Variants in PANK4 observed in about 807,000 individuals in gnomAD.
The protein encoded by PANK4 is pantothenate kinase 4 (inactive).
A neutral mutation model predicts 87.9 loss-of-function variants in PANK4; 40 were observed. That is an observed-to-expected ratio of 0.46 (90% CI 0.35 to 0.59). The LOEUF is 0.59. PANK4 is among the 20% of genes least tolerant of loss of function. The pLI is 0.00. For missense variants in PANK4, 926 were observed against 1,072.3 expected (o/e 0.86, Z 1.90); for synonymous variants, 524 against 467.4 (o/e 1.12, Z -1.56).
In PANK4 at chr1:2,520,566, T is replaced by G; in HGVS notation, c.607-152A>C. ...TCATGGCCAAGCCTGGGGGCGCTGA[T>G]GCCCCTCCCACAGAGGCTCTGAGCT... On this transcript the variant is annotated intron_variant, in intron 4 of 18. Coordinates refer to ENST00000378466, the MANE Select transcript of PANK4 (RefSeq NM_018216.4). The surrounding 1 kb of genome is among the most constrained non-coding windows in gnomAD (Gnocchi z 6.2). The G allele has an allele frequency of 2.1e-6, 2 of 931,530 alleles. No individual in the cohort carries two copies. The highest frequency in any genetic ancestry group is 3.2e-6 in the Non-Finnish European group (2 of 623,720). 57.7% of individuals were successfully genotyped at this position (931,530 alleles called of 1,614,324 possible). A position where few individuals can be genotyped will look rare whatever the true frequency, so the allele number is the denominator to read the frequency against.
chr1:2,522,612 G>C (rs894306623), intron 1 of PANK4, among the ~76,000 whole-genome samples: 12 of 152,006 alleles, frequency 7.9e-5, no homozygotes, highest in Admixed American at 5.2e-4. Context: ...GTTGAGGCTA[G>C]AGTTGTATTC....
chr1:2,511,457 G>T, intron 14 of PANK4, 70 bp from the exon 15 acceptor site: 1 of 1,251,210 alleles, frequency 8.0e-7, no homozygotes, highest in Non-Finnish European at 1.2e-6. Context: ...CGCGTCTTCA[G>T]GTGTTCGTCT....
chr1:2,519,996 G>A lies in PANK4; in HGVS notation c.700-42C>T, dbSNP rs969100378. ...GGGGGCGGGTGAGGCGCCAGGAGCT[G>A]CTGGAATCCCCACGACCCCAGAAAC... On this transcript the variant is annotated intron_variant, in intron 5 of 18. Transcript: ENST00000378466. The surrounding 1 kb of genome is among the most constrained non-coding windows in gnomAD (Gnocchi z 8.3). 6.6e-7 allele frequency: 1 copy of A among 1,510,138 alleles called. No homozygotes were observed. Among genetic ancestry groups the A allele is most frequent in the Non-Finnish European group, 8.9e-7 (1 of 1,122,054 alleles). The allele number at this position is 1,510,138 out of a possible 1,614,324, so 93.5% of individuals were successfully genotyped here. A position where few individuals can be genotyped will look rare whatever the true frequency, so the allele number is the denominator to read the frequency against.
chr1:2,511,162 C>T (rs1261740162), intron 15 of PANK4, among the ~76,000 whole-genome samples, 176 bp downstream of exon 15: 2 of 152,180 alleles, frequency 1.3e-5, no homozygotes, highest in East Asian at 3.8e-4. Context: ...GAAGCAGTCA[C>T]GACAGGAGGG....
intron 12 of PANK4, among the ~76,000 whole-genome samples, chr1:2,513,596 A>G (rs1199399359): frequency 6.6e-6 from 1 of 152,160 alleles, no homozygotes; most frequent in Non-Finnish European, 1.5e-5. Flanking sequence ...CCTAGGAGGG[A>G]GCCAGGGTGG....
chr1:2,511,996 G>A (rs980717541), intron 13 of PANK4, among the ~76,000 whole-genome samples: 3 of 152,216 alleles, frequency 2.0e-5, no homozygotes, highest in African/African-American at 7.2e-5. Context: ...GCTGCGATCC[G>A]CAGAAGGCTC....
rs781272631 is a variant in PANK4, at chr1:2,520,920, G to A, written c.423-14C>T. On this transcript the variant is annotated splice_polypyrimidine_tract_variant and intron_variant, in intron 3 of 18. Transcript: ENST00000378466. The surrounding 1 kb of genome is among the most constrained non-coding windows in gnomAD (Gnocchi z 6.2). ...TCCTTGTCGACTCTGAAAAGGAAGCGCCAACCCCTTAAAGAGTCTGGGCCA... is the reference window on the plus strand; with the variant it reads ...TCCTTGTCGACTCTGAAAAGGAAGCACCAACCCCTTAAAGAGTCTGGGCCA... The A allele has an allele frequency of 1.2e-5, 19 of 1,542,314 alleles. No individual in the cohort carries two copies. The highest frequency in any genetic ancestry group is 7.0e-6 in the Non-Finnish European group (8 of 1,146,128).
intron 8 of PANK4, 120 bp from the exon 9 acceptor site, chr1:2,518,384 C>A: frequency 1.0e-6 from 1 of 961,826 alleles, no homozygotes; most frequent in Non-Finnish European, 1.6e-6. Context: ...GTTAGACATG[C>A]CTGCTGCTGT....
intron 13 of PANK4, 90 bp from the exon 14 acceptor site, chr1:2,511,773 G>A (rs2236396): frequency 0.27 from 211,482 of 782,434 alleles, 31,901 homozygotes; most frequent in African/African-American, 0.46. Context: ...ATCCCTCCCA[G>A]GCGGGACAGA....
chr1:2,521,091 C>T lies in PANK4; in HGVS notation c.422+10G>A. 1.2e-6 allele frequency: 2 copies of T among 1,607,624 alleles called. No homozygotes were observed. Among genetic ancestry groups the T allele is most frequent in the Non-Finnish European group, 1.7e-6 (2 of 1,175,184 alleles). On this transcript the variant is annotated intron_variant, in intron 3 of 18. Transcript: ENST00000378466. ...CATGTTCCTTTCTCGCCCTTGAGAT[C>T]CCCACTCACTTCAGCCGCAGCTTCT... is the stretch of plus-strand genomic sequence containing the variant.
chr1:2,513,943 C>T lies in PANK4; in HGVS notation c.1575+59G>A, dbSNP rs1643710892. On this transcript the variant is annotated intron_variant, in intron 12 of 18. Transcript: ENST00000378466. Reference sequence around the variant, plus strand: ...GAGCCAGCGGGACAGAGACAGGACACGCGGTGCCAGCGGGACGGGGACAAG... The same window carrying T: ...GAGCCAGCGGGACAGAGACAGGACATGCGGTGCCAGCGGGACGGGGACAAG... 1.1e-5 allele frequency: 14 copies of T among 1,256,276 alleles called. 1 individual carries two copies. The highest frequency in any genetic ancestry group is 8.3e-5 in the South Asian group (7 of 84,182). The allele number at this position is 1,256,276 out of a possible 1,614,324, so 77.8% of individuals were successfully genotyped here.
At position 2,514,334 on chromosome 1, in the gene PANK4, C is replaced by T; in HGVS notation, c.1487+20G>A. The T allele has an allele frequency of 6.4e-7, 1 of 1,563,782 alleles. No homozygotes were observed. Among genetic ancestry groups the T allele is most frequent in the South Asian group, 1.1e-5 (1 of 90,128 alleles). ...TCTGGATGGAAGAGGTGGCCACACA[C>T]CGGGGTGCTGGGCACTTACAAGGGC... On this transcript the variant is annotated intron_variant, in intron 11 of 18. Transcript: ENST00000378466.
Position 2,509,307 on chromosome 1 carries a change from G to A in PANK4, c.2109-247C>T, listed in dbSNP as rs1187395727. On this transcript the variant is annotated intron_variant, in intron 18 of 18. Coordinates refer to ENST00000378466, the MANE Select transcript of PANK4 (RefSeq NM_018216.4). The surrounding 1 kb of genome is among the most constrained non-coding windows in gnomAD (Gnocchi z 4.9). The stretch of plus-strand genomic sequence containing the variant: ...TAGATCTCCTGTGAACTCTAGGGAT[G>A]GATTCCTTGTCATTTTCACGCCCTC... Among the ~76,000 whole-genome samples, 1 of 152,206 alleles carries A rather than the reference G, an allele frequency of 6.6e-6. No homozygotes were observed. Among genetic ancestry groups the A allele is most frequent in the African/African-American group, 2.4e-5 (1 of 41,450 alleles).
rs755716268 is a variant in PANK4, at chr1:2,510,118, C to T, written c.1978G>A (p.Val660Met). 11 of 1,610,500 alleles carry T rather than the reference C, an allele frequency of 6.8e-6. No individual in the cohort carries two copies. The highest frequency in any genetic ancestry group is 4.4e-5 in the South Asian group (4 of 90,428). ...ACNSGPALND[V>M]THSESLIVAE... Reference sequence around the variant, plus strand: ...ACGATGAGGGACTCGCTGTGGGTCACGTCGTTCAGGGCGGGGCCTGAGTTG... The same window carrying T: ...ACGATGAGGGACTCGCTGTGGGTCATGTCGTTCAGGGCGGGGCCTGAGTTG... The change falls in exon 17 of 19, where the codon GTG (valine) becomes ATG (methionine). Residue 660 changes from valine to methionine, a missense_variant. By Grantham distance (21) the Val-to-Met change is conservative. Transcript: ENST00000378466. This position sits in a 1 kb window ranked among gnomAD's most constrained non-coding sequence, Gnocchi z 4.9.
Position 2,526,566 on chromosome 1 carries a change from C to T in PANK4, c.22G>A (p.Gly8Ser). The change falls in exon 1 of 19, where the codon GGC (glycine) becomes AGC (serine). Residue 8 changes from glycine to serine, a missense_variant. Transcript: ENST00000378466. MAECGAS[G>S]SGSSGDSLDK... ...AGACTGTCCCCGCTGCTCCCGCTGCCGCTCGCTCCACACTCCGCCATTTTG... is the reference window on the plus strand; with the variant it reads ...AGACTGTCCCCGCTGCTCCCGCTGCTGCTCGCTCCACACTCCGCCATTTTG... 6.2e-7 allele frequency: 1 copy of T among 1,602,394 alleles called. No individual in the cohort carries two copies.
chr1:2,521,133 G>C lies in PANK4; in HGVS notation c.390C>G (p.Phe130Leu). Residue 130 changes from phenylalanine (F) to leucine (L), a missense_variant, in exon 3 of 19, where the codon TTC becomes TTG. Transcript: ENST00000378466. Reference sequence around the variant, plus strand: ...GCAGCTTCTCTTCGATGAGGTCTTTGAACTTGTAGGCCCCGCCCCCGGTCG... The same window carrying C: ...GCAGCTTCTCTTCGATGAGGTCTTTCAACTTGTAGGCCCCGCCCCCGGTCG... Reference protein sequence around the residue: ...IQATGGGAYKFKDLIEEKLRL... With the variant: ...IQATGGGAYKLKDLIEEKLRL... The C allele has an allele frequency of 6.2e-7, 1 of 1,613,734 alleles. No homozygotes were observed. The highest frequency in any genetic ancestry group is 2.2e-5 in the East Asian group (1 of 44,886).
At chr1:2,516,261 C>G (rs1421385495) in intron 9 of PANK4, among the ~76,000 whole-genome samples, 1 of 152,108 alleles carries the variant, frequency 6.6e-6, no homozygotes, top group East Asian at 1.9e-4. Context: ...CCACATGCAC[C>G]CTTCTTCCTC....
intron 1 of PANK4, among the ~76,000 whole-genome samples, chr1:2,523,814 T>C (rs2100799375): frequency 6.6e-6 from 1 of 152,350 alleles, no homozygotes; most frequent in Non-Finnish European, 1.5e-5. Flanking sequence ...CCCCTCGGAA[T>C]CACAGCAAAC....
chr1:2,518,057 G>A (rs1048649888), intron 9 of PANK4, 107 bp downstream of exon 9: 3 of 623,896 alleles, frequency 4.8e-6, no homozygotes, highest in South Asian at 4.3e-5. Flanking sequence ...GGGCAGAGGC[G>A]CCTTTCAGCC....
Sources: allele counts gnomAD v4.1 joint callset (sites outside exome capture counted in the v4.1 genomes callset), GRCh38; gene constraint gnomAD v4.1.1; non-coding constraint Gnocchi (gnomAD v3.1); transcripts MANE v1.5; gene names NCBI Gene and HGNC (gene_info 2026-07-23, HGNC 2026-07-21).